The following XRCC5 variants were observed in gnomAD, a reference collection of about 807,000 sequenced individuals.
XRCC5 encodes the protein DNA repair protein Ku80.
Under a neutral mutation model 95.7 loss-of-function variants are expected in XRCC5, and 12 were observed. That is an observed-to-expected ratio of 0.13 (90% CI 0.08 to 0.20). The LOEUF is 0.20. Among genes scored for constraint, XRCC5 ranks in the 10% least tolerant of loss-of-function variants. The pLI, the probability that XRCC5 is intolerant of heterozygous loss-of-function variation, is 1.00. For synonymous variants in XRCC5, 281 were observed against 290.3 expected, an observed-to-expected ratio of 0.97 and a Z score of 0.33; for missense variants, 595 against 873.9, an observed-to-expected ratio of 0.68 and a Z score of 4.02.
intron 18 of XRCC5, among the ~76,000 whole-genome samples, chr2:216,193,651 G>A (rs975766412): frequency 2.0e-5 from 3 of 152,184 alleles, no homozygotes; most frequent in African/African-American, 7.2e-5. Flanking sequence ...TGTCTCTGCT[G>A]TTGACCCCGT....
chr2:216,156,482 C>T (rs989314990), intron 14 of XRCC5: 6 of 659,266 alleles, frequency 9.1e-6, no homozygotes, highest in East Asian at 3.6e-5. Context: ...TAAGCCTCAT[C>T]GATGCTGACG....
At chr2:216,134,419 G>GT (rs568788717) in intron 10 of XRCC5, among the ~76,000 whole-genome samples, 4,467 of 135,386 alleles carry the variant, frequency 0.033, 232 homozygotes, top group African/African-American at 0.11. Flanking sequence ...CTTCCTTCTT[G>GT]TTTTTTTTTT....
intron 16 of XRCC5, among the ~76,000 whole-genome samples, 160 bp downstream of exon 16, chr2:216,162,208 A>G (rs1450712149): frequency 6.6e-6 from 1 of 152,184 alleles, no homozygotes; most frequent in Non-Finnish European, 1.5e-5. Context: ...CTGAGGCAAC[A>G]TTATGAGCAC....
intron 19 of XRCC5, among the ~76,000 whole-genome samples, chr2:216,195,707 G>A (rs1394622859): frequency 6.6e-6 from 1 of 152,182 alleles, no homozygotes; most frequent in Admixed American, 6.5e-5. Flanking sequence ...CCATGAGTCA[G>A]ATACATGTGG....
chr2:216,142,170 AT>A (rs1361525510), intron 13 of XRCC5, among the ~76,000 whole-genome samples: 3 of 152,112 alleles, frequency 2.0e-5, no homozygotes, highest in South Asian at 2.1e-4. Context: ...CCTCTTTTAT[AT>A]TTTTTCAGGC....
chr2:216,122,399 T>G, intron 6 of XRCC5, 146 bp downstream of exon 6: 1 of 739,666 alleles, frequency 1.4e-6, no homozygotes, highest in South Asian at 2.2e-5. Flanking sequence ...AAAGAAATAG[T>G]ACACCCACCC....
chr2:216,115,779 G>T (rs1170065558), intron 2 of XRCC5, among the ~76,000 whole-genome samples: 1 of 151,636 alleles, frequency 6.6e-6, no homozygotes. Context: ...ATTGTCTTAT[G>T]CTGTAAATCC....
At chr2:216,147,553 C>T (rs1176979012) in intron 13 of XRCC5, among the ~76,000 whole-genome samples, 1 of 152,102 alleles carries the variant, frequency 6.6e-6, no homozygotes, top group Non-Finnish European at 1.5e-5. Flanking sequence ...AAAGTGCAAA[C>T]TCAGCACTCA....
chr2:216,194,343 T>A (rs926555626), intron 18 of XRCC5, among the ~76,000 whole-genome samples: 2 of 152,216 alleles, frequency 1.3e-5, no homozygotes, highest in South Asian at 4.1e-4. Context: ...TACTGTACAT[T>A]GAGGGGAATA....
intron 19 of XRCC5, among the ~76,000 whole-genome samples, chr2:216,200,951 T>G (rs1392631005): frequency 6.6e-6 from 1 of 152,228 alleles, no homozygotes; most frequent in Non-Finnish European, 1.5e-5. Flanking sequence ...ATATGTTAAG[T>G]GTATTCCTAG....
intron 16 of XRCC5, among the ~76,000 whole-genome samples, chr2:216,187,395 G>A (rs1299300031): frequency 6.7e-6 from 1 of 149,244 alleles, no homozygotes; most frequent in Non-Finnish European, 1.5e-5. Context: ...TTCCTGTATC[G>A]TTGCAAATGG....
At chr2:216,166,877 G>A (rs894037130) in intron 16 of XRCC5, among the ~76,000 whole-genome samples, 2 of 152,142 alleles carry the variant, frequency 1.3e-5, no homozygotes, top group African/African-American at 4.8e-5. Flanking sequence ...CAGGTTTTGT[G>A]AGGATCTTAA....
At chr2:216,195,567 C>G (rs1220238003) in intron 19 of XRCC5, among the ~76,000 whole-genome samples, 1 of 151,840 alleles carries the variant, frequency 6.6e-6, no homozygotes, top group East Asian at 1.9e-4. Context: ...TAGAGAAACA[C>G]TAGTATTCTA....
At position 216,141,395 on chromosome 2, in the gene XRCC5, C is replaced by T. The variant is rs759898108; in HGVS notation, c.1476+76C>T. 1.9e-5 allele frequency: 30 copies of T among 1,540,490 alleles called. No homozygotes were observed. The Middle Eastern group carries it at 6.8e-4, about 35-fold the overall frequency. On this transcript the variant is annotated intron_variant, in intron 13 of 20. Transcript: ENST00000392132. ...TAAGTGCAAAGTTGCGGTAATTGGC[C>T]AGTCCTAAATAAATGTCTTTTTTCT...
intron 16 of XRCC5, among the ~76,000 whole-genome samples, chr2:216,185,629 T>C (rs1689479962): frequency 6.6e-6 from 1 of 152,136 alleles, no homozygotes; most frequent in South Asian, 2.1e-4. Context: ...TTTTGTGTTA[T>C]AAAGATGCAA....
intron 13 of XRCC5, among the ~76,000 whole-genome samples, chr2:216,147,804 AAAC>A (rs1027317224): frequency 2.0e-5 from 3 of 152,136 alleles, no homozygotes; most frequent in Admixed American, 6.5e-5. Context: ...CAAGTAGTAA[AAAC>A]AACAGCTTTG....
At chr2:216,152,134 A>ACAATT (rs1261197972) in intron 14 of XRCC5, among the ~76,000 whole-genome samples, 1 of 152,200 alleles carries the variant, frequency 6.6e-6, no homozygotes, top group Non-Finnish European at 1.5e-5. Context: ...CCTGGGGATT[A>ACAATT]CAATTCAAAA....
chr2:216,142,162 TC>T (rs1697183216), intron 13 of XRCC5, among the ~76,000 whole-genome samples: 1 of 152,178 alleles, frequency 6.6e-6, no homozygotes, highest in Admixed American at 6.5e-5. Context: ...GCCAGATGCC[TC>T]TTTTATATTT....
chr2:216,201,396 G>T (rs1689831242), intron 19 of XRCC5, among the ~76,000 whole-genome samples: 1 of 152,210 alleles, frequency 6.6e-6, no homozygotes, highest in East Asian at 1.9e-4. Flanking sequence ...GGGTCAGTAA[G>T]GGTCTGAGCA....
Sources: allele counts gnomAD v4.1 joint callset (sites outside exome capture counted in the v4.1 genomes callset), GRCh38; gene constraint gnomAD v4.1.1; transcripts MANE v1.5; gene names NCBI Gene and HGNC (gene_info 2026-07-23, HGNC 2026-07-21).